EVC: variants seen among roughly 807,000 people sequenced by gnomAD.
EVC encodes the protein EvC ciliary complex subunit 1, also known as evC complex member EVC.
A neutral mutation model predicts 118.9 loss-of-function variants in EVC; 116 were observed. The ratio of observed to expected loss-of-function variants is 0.98; its 90% confidence interval spans 0.84 to 1.14. EVC has a LOEUF of 1.14. EVC is among the 50% of genes most tolerant of loss of function. The probability of loss-of-function intolerance (pLI) is 0.00; values close to 1 mark genes in which losing one functional copy is unlikely to be tolerated. For synonymous variants in EVC, 619 were observed against 534.7 expected, an observed-to-expected ratio of 1.16 and a Z score of -2.18; for missense variants, 1,401 against 1,246.4, an observed-to-expected ratio of 1.12 and a Z score of -1.87.
At chr4:5,816,485 C>T (rs774227618), downstream of EVC, among the ~76,000 whole-genome samples, 1 of 152,154 alleles carries the variant, frequency 6.6e-6, no homozygotes, top group Non-Finnish European at 1.5e-5. Flanking sequence ...AGCCTGGGCC[C>T]CAGGACTTCT....
At chr4:5,825,005 A>G in the EVC span, 17 of 985,304 alleles carry the variant, frequency 1.7e-5, no homozygotes, top group African/African-American at 3.0e-4. The surrounding 1 kb of genome is among the most constrained non-coding windows in gnomAD (Gnocchi z 4.4). Context: ...TTTCCTCTTT[A>G]AATAAATAGG....
intron 17 of EVC, 36 bp downstream of exon 17, chr4:5,804,877 C>T (rs1388023168): frequency 3.2e-6 from 5 of 1,541,020 alleles, no homozygotes; most frequent in Non-Finnish European, 4.5e-6. Flanking sequence ...TAGGGCTGTT[C>T]TCTACCCCAT....
chr4:5,793,727 G>T lies in EVC; in HGVS notation c.1886+10G>T. On this transcript the variant is annotated intron_variant, in intron 13 of 20. Coordinates refer to ENST00000264956, the MANE Select transcript of EVC (RefSeq NM_153717.3). ...GCGGCCTCACTGAAGAGTGAGTACA[G>T]CTCCCTGAAGGCCCAGGGCTTTGTG... The T allele has an allele frequency of 6.5e-7, 1 of 1,542,888 alleles. No individual in the cohort carries two copies. Among genetic ancestry groups the T allele is most frequent in the Non-Finnish European group, 8.8e-7 (1 of 1,140,710 alleles).
At chr4:5,809,710 G>C (rs1414409901) in intron 19 of EVC, 99 bp downstream of exon 19, 4 of 1,126,124 alleles carry the variant, frequency 3.6e-6, no homozygotes, top group Non-Finnish European at 5.3e-6. Flanking sequence ...GTGACCTTAG[G>C]CATCGTGCCT....
chr4:5,788,478 TC>T (rs1300657752), intron 12 of EVC, among the ~76,000 whole-genome samples: 1 of 152,192 alleles, frequency 6.6e-6, no homozygotes, highest in African/African-American at 2.4e-5. Flanking sequence ...ACATGAAGTC[TC>T]CATTTAGATG....
chr4:5,791,643 T>G (rs11723498), intron 12 of EVC, among the ~76,000 whole-genome samples: 1 of 151,884 alleles, frequency 6.6e-6, no homozygotes, highest in Non-Finnish European at 1.5e-5. Context: ...GAGAAAAGAA[T>G]AGCCCCTCCC....
At chr4:5,816,623 C>CTCCCTCCCTCCTCCCCCTCTCTCCCT (rs1717723679), downstream of EVC, among the ~76,000 whole-genome samples, 1 of 127,914 alleles carries the variant, frequency 7.8e-6, no homozygotes, top group Non-Finnish European at 1.7e-5. Flanking sequence ...TCCTTCTTTT[C>CTCCCTCCCTCCTCCCCCTCTCTCCCT]TCCCTCCCTC....
At chr4:5,800,463 G>A (rs10937679) in intron 15 of EVC, among the ~76,000 whole-genome samples, 43,192 of 152,082 alleles carry the variant, frequency 0.28, 7,133 homozygotes, top group South Asian at 0.54. Context: ...GTGTGTGCCA[G>A]TGGGTACGGG....
chr4:5,828,076 C>T, the EVC span: 1 of 985,304 alleles, frequency 1.0e-6, no homozygotes, highest in Non-Finnish European at 1.2e-6. Context: ...CCTTGCTCCA[C>T]AGGGCCAGAC....
At chr4:5,825,597 A>G in the EVC span, 1 of 1,604,186 alleles carries the variant, frequency 6.2e-7, no homozygotes, top group Non-Finnish European at 8.5e-7. This position sits in a 1 kb window ranked among gnomAD's most constrained non-coding sequence, Gnocchi z 4.4. Context: ...ATTTGGGTGT[A>G]GCTGGTACCT....
chr4:5,807,991 C>T (rs548101623), intron 17 of EVC, among the ~76,000 whole-genome samples: 3 of 152,314 alleles, frequency 2.0e-5, no homozygotes, highest in East Asian at 3.9e-4. Context: ...TCTCTAAACT[C>T]CCGTGTTGTA....
At chr4:5,815,209 G>A (rs1717486088), downstream of EVC, among the ~76,000 whole-genome samples, 1 of 152,132 alleles carries the variant, frequency 6.6e-6, no homozygotes, top group Non-Finnish European at 1.5e-5. Flanking sequence ...CCCACTCCCG[G>A]GTCTCGGTGG....
In EVC at chr4:5,813,521, T is replaced by A. The variant is rs957853532; in HGVS notation, c.*2484T>A. 1.3e-5 allele frequency: 2 copies of A among 152,222 alleles called. No individual in the cohort carries two copies. The highest frequency in any genetic ancestry group is 2.9e-5 in the Non-Finnish European group (2 of 68,068). 9.4% of individuals were successfully genotyped at this position (152,222 alleles called of 1,614,324 possible). A position where few individuals can be genotyped will look rare whatever the true frequency, so the allele number is the denominator to read the frequency against. On this transcript the variant is annotated 3_prime_UTR_variant, in exon 21 of 21. Transcript: ENST00000264956. ...CGCGCCCGGCCAGAAATCACTTTTA[T>A]ATTGTCACATGGGCCCTCTGCACAG...
At chr4:5,797,439 C>T in intron 14 of EVC, 1 of 610,968 alleles carries the variant, frequency 1.6e-6, no homozygotes, top group East Asian at 2.8e-5. Flanking sequence ...TCCTGGAGGC[C>T]AGAATTCGGA....
chr4:5,810,328 G>A lies in EVC; in HGVS notation c.2783-11G>A, dbSNP rs1237999856. The A allele has an allele frequency of 1.9e-6, 3 of 1,606,690 alleles. No homozygotes were observed. The highest frequency in any genetic ancestry group is 1.7e-5 in the Admixed American group (1 of 59,598). ...CACAGAGCCATGCCTGGGTTCATCT[G>A]TCCTCTACAGAGAAGCCCCTAAGGA... On this transcript the variant is annotated splice_polypyrimidine_tract_variant and intron_variant, in intron 19 of 20. Transcript: ENST00000264956.
the EVC span, chr4:5,825,387 C>G: frequency 2.0e-6 from 3 of 1,467,422 alleles, no homozygotes; most frequent in South Asian, 4.6e-5. The surrounding 1 kb of genome is among the most constrained non-coding windows in gnomAD (Gnocchi z 4.4). Context: ...TTCCCTGCTT[C>G]TTCATCTAGT....
chr4:5,729,607 C>T (rs755648574), intron 3 of EVC, among the ~76,000 whole-genome samples: 2 of 152,090 alleles, frequency 1.3e-5, no homozygotes, highest in African/African-American at 2.4e-5. Flanking sequence ...CCCAGGGACA[C>T]GAGGTAACAG....
At chr4:5,828,509 G>A in the EVC span, 9 of 1,614,166 alleles carry the variant, frequency 5.6e-6, no homozygotes, top group South Asian at 3.3e-5. Flanking sequence ...ATTTTGACGC[G>A]CTGGTACAGG....
At chr4:5,748,572 CCA>C (rs1216441827) in intron 8 of EVC, among the ~76,000 whole-genome samples, 35 of 104,592 alleles carry the variant, frequency 3.3e-4, no homozygotes, top group African/African-American at 1.2e-3. Context: ...ATTTATCCAT[CCA>C]TCCATCCACC....
Sources: gnomAD v4.1 joint callset for allele counts (sites outside exome capture counted in the v4.1 genomes callset) on GRCh38, gnomAD v4.1.1 for gene constraint, Gnocchi (gnomAD v3.1) non-coding constraint, MANE v1.5 for transcripts, NCBI Gene and HGNC (gene_info 2026-07-23, HGNC 2026-07-21) for gene names.